MYO5C: variants seen among roughly 807,000 people sequenced by gnomAD.
MYO5C encodes the protein unconventional myosin-Vc.
Under a neutral mutation model 235.7 loss-of-function variants are expected in MYO5C, and 194 were observed. That is an observed-to-expected ratio of 0.82 (90% CI 0.73 to 0.93). The LOEUF is 0.93. Ranked by LOEUF, MYO5C falls within the 40% of genes least tolerant of loss-of-function variation. The pLI is 0.00. For missense variants in MYO5C, 2,038 were observed against 2,127.2 expected (o/e 0.96, Z 0.82); for synonymous variants, 707 against 754.8 (o/e 0.94, Z 1.04).
Position 52,261,083 on chromosome 15 carries a change from C to T in MYO5C, c.1092G>A (p.Leu364=). 1 of 1,614,220 alleles carries T rather than the reference C, an allele frequency of 6.2e-7. No individual in the cohort carries two copies. Among genetic ancestry groups the T allele is most frequent in the Non-Finnish European group, 8.5e-7 (1 of 1,180,046 alleles). ...HLKVFCELLG[L]ESGRVAQWLC... is the part of the protein sequence containing the mutation. ...GCCACTGAGCAACTCTGCCACTCTC[C>T]AGGCCCAGGAGCTCACAGAACACCT... Residue 364 remains leucine, a synonymous_variant, in exon 10 of 41, where the codon CTG becomes CTA. Coordinates refer to ENST00000261839, the MANE Select transcript of MYO5C (RefSeq NM_018728.4).
chr15:52,251,611 C>G (rs1405388959), intron 12 of MYO5C, 96 bp from the exon 13 acceptor site: 5 of 842,208 alleles, frequency 5.9e-6, no homozygotes, highest in Non-Finnish European at 8.7e-6. Flanking sequence ...GGTGATTTGG[C>G]ACTTAGTGAA....
At chr15:52,270,271 C>CA (rs2036890719) in intron 7 of MYO5C, among the ~76,000 whole-genome samples, 1 of 151,696 alleles carries the variant, frequency 6.6e-6, no homozygotes, top group Non-Finnish European at 1.5e-5. Flanking sequence ...GACCCTGTCT[C>CA]AAAAAAACAA....
At chr15:52,209,379 T>G (rs1399814506) in intron 35 of MYO5C, among the ~76,000 whole-genome samples, 2 of 151,844 alleles carry the variant, frequency 1.3e-5, no homozygotes, top group Non-Finnish European at 2.9e-5. Flanking sequence ...TTGCAAGGAG[T>G]GACAAAGAGA....
intron 1 of MYO5C, among the ~76,000 whole-genome samples, chr15:52,283,431 C>T (rs1329104867): frequency 6.6e-6 from 1 of 152,226 alleles, no homozygotes; most frequent in Non-Finnish European, 1.5e-5. Context: ...CTGCCAAGGA[C>T]TCCCACAGTG....
In MYO5C at chr15:52,253,541, G is replaced by C; in HGVS notation, c.1396-84C>G. On this transcript the variant is annotated intron_variant, in intron 11 of 40. Coordinates refer to ENST00000261839, the MANE Select transcript of MYO5C (RefSeq NM_018728.4). ...AGCAGGATGTAAGCATTTGGAAAAT[G>C]TAAATGGTTGATCTGTAATATTTAT... The C allele has an allele frequency of 2.9e-5, 36 of 1,226,326 alleles. 1 individual carries two copies. The South Asian group carries it at 4.7e-4, about 16-fold the overall frequency. 76.0% of individuals were successfully genotyped at this position (1,226,326 alleles called of 1,614,324 possible).
At chr15:52,219,660 C>T (rs2035633280) in intron 31 of MYO5C, 99 bp downstream of exon 31, 2 of 878,102 alleles carry the variant, frequency 2.3e-6, no homozygotes, top group African/African-American at 3.3e-5. Flanking sequence ...TAATTAGCAT[C>T]TTGCTTTTTG....
chr15:52,221,628 G>A (rs1377114832), intron 29 of MYO5C, among the ~76,000 whole-genome samples: 1 of 152,160 alleles, frequency 6.6e-6, no homozygotes, highest in Admixed American at 6.5e-5. Context: ...CATCTCAAAG[G>A]GTCCCACTGC....
At chr15:52,232,565 A>T in intron 24 of MYO5C, 57 bp downstream of exon 24, 1 of 1,540,596 alleles carries the variant, frequency 6.5e-7, no homozygotes, top group African/African-American at 1.4e-5. Flanking sequence ...GATGGAAAAT[A>T]TAAAACAGCA....
intron 20 of MYO5C, among the ~76,000 whole-genome samples, chr15:52,241,250 CTTTTTTTTTTTTTTT>C (rs71130143): frequency 1.7e-5 from 1 of 59,578 alleles, no homozygotes; most frequent in African/African-American, 6.9e-5. Flanking sequence ...GTGGGCTAAT[CTTTTTTTTTTTTTTT>C]TTTTTTTTTT....
At position 52,244,452 on chromosome 15, in the gene MYO5C, T is replaced by C. The variant is rs1292571967; in HGVS notation, c.2294A>G (p.Lys765Arg). Reference protein sequence around the residue: ...KLRQSCVMVQKHMRGWLQRKK... With the variant: ...KLRQSCVMVQRHMRGWLQRKK... ...CCTCTGGAGCCAGCCACGCATGTGC[T>C]TTTGTACCATAACACAACTCTGCCT... Residue 765 changes from lysine (K) to arginine (R), a missense_variant, in exon 19 of 41, where the codon AAG (lysine) becomes AGG (arginine). Physicochemically the swap from Lys to Arg is conservative, Grantham distance 26. Transcript: ENST00000261839. 3.1e-6 allele frequency: 5 copies of C among 1,614,198 alleles called. No homozygotes were observed.
intron 25 of MYO5C, among the ~76,000 whole-genome samples, chr15:52,226,695 A>C (rs1002293249): frequency 6.6e-6 from 1 of 152,222 alleles, no homozygotes; most frequent in African/African-American, 2.4e-5. Flanking sequence ...TCAGGGTCAC[A>C]TGCCAGGTTT....
chr15:52,196,102 G>A (rs991743828), intron 39 of MYO5C, among the ~76,000 whole-genome samples: 2 of 149,590 alleles, frequency 1.3e-5, no homozygotes, highest in Middle Eastern at 3.5e-3. Flanking sequence ...GAGCCACCTC[G>A]CCCAGCCCAT....
chr15:52,270,474 A>G (rs1440588863), intron 7 of MYO5C, among the ~76,000 whole-genome samples: 1 of 152,154 alleles, frequency 6.6e-6, no homozygotes, highest in Non-Finnish European at 1.5e-5. Context: ...TACTGAATGT[A>G]CAATAAACTG....
intron 31 of MYO5C, among the ~76,000 whole-genome samples, chr15:52,219,285 C>T (rs1045066484): frequency 6.6e-6 from 1 of 152,210 alleles, no homozygotes. Context: ...CTTTATTGGT[C>T]TCGTGATGGA....
chr15:52,290,569 C>A (rs1316066900), intron 1 of MYO5C, among the ~76,000 whole-genome samples: 1 of 150,164 alleles, frequency 6.7e-6, no homozygotes, highest in East Asian at 1.9e-4. Flanking sequence ...CTGTAGTGAA[C>A]CTGTCACTAC....
At chr15:52,282,965 G>A in intron 1 of MYO5C, 73 bp from the exon 2 acceptor site, 3 of 982,426 alleles carry the variant, frequency 3.1e-6, no homozygotes, top group Non-Finnish European at 4.9e-6. Flanking sequence ...TTAGACACAG[G>A]AAGGTTTCTT....
At chr15:52,203,499 C>A (rs536424070) in intron 38 of MYO5C, among the ~76,000 whole-genome samples, 1 of 152,196 alleles carries the variant, frequency 6.6e-6, no homozygotes, top group South Asian at 2.1e-4. Context: ...GCATGTGCCA[C>A]AACGCCCAGC....
chr15:52,202,935 T>TTG (rs1458257093), intron 38 of MYO5C, among the ~76,000 whole-genome samples: 2 of 151,644 alleles, frequency 1.3e-5, no homozygotes, highest in Non-Finnish European at 2.9e-5. Context: ...TTTGTTTTTT[T>TTG]TTTGAGACGG....
At chr15:52,254,444 TGA>T (rs1418052315) in intron 11 of MYO5C, among the ~76,000 whole-genome samples, 1 of 152,118 alleles carries the variant, frequency 6.6e-6, no homozygotes, top group Non-Finnish European at 1.5e-5. Context: ...GTAAGCGGGC[TGA>T]GAGGAGAAGG....
Sources: allele counts gnomAD v4.1 joint callset (sites outside exome capture counted in the v4.1 genomes callset), GRCh38; gene constraint gnomAD v4.1.1; transcripts MANE v1.5; gene names NCBI Gene and HGNC (gene_info 2026-07-23, HGNC 2026-07-21).